Variants in LYVE1 observed in about 807,000 individuals in gnomAD.
LYVE1 encodes the protein lymphatic vessel endothelial hyaluronan receptor 1.
A neutral mutation model predicts 31.5 loss-of-function variants in LYVE1; 29 were observed. The observed-to-expected ratio is 0.92, with a 90% CI of 0.69 to 1.26. LYVE1 has a LOEUF of 1.26. Ranked by LOEUF, LYVE1 falls within the 50% of genes most tolerant of loss-of-function variation. The pLI is 0.00. For synonymous variants in LYVE1, 134 were observed against 139.4 expected (o/e 0.96, Z 0.27); for missense variants, 376 against 380.2 (o/e 0.99, Z 0.09).
At chr11:10,562,013 A>G (rs1407438985) in intron 3 of LYVE1, among the ~76,000 whole-genome samples, 3 of 152,230 alleles carry the variant, frequency 2.0e-5, no homozygotes, top group African/African-American at 7.2e-5. Flanking sequence ...AAAAAAAGAA[A>G]AGAAATACAT....
At chr11:10,562,599 A>G (rs1850450661) in intron 3 of LYVE1, among the ~76,000 whole-genome samples, 1 of 152,248 alleles carries the variant, frequency 6.6e-6, no homozygotes, top group South Asian at 2.1e-4. Flanking sequence ...ATAGATGAGT[A>G]TGTGTGAAAA....
At chr11:10,562,781 G>C (rs1226955901) in intron 3 of LYVE1, among the ~76,000 whole-genome samples, 1 of 152,080 alleles carries the variant, frequency 6.6e-6, no homozygotes, top group Non-Finnish European at 1.5e-5. Flanking sequence ...CTGCCCTCCA[G>C]GTGTCAATCT....
In LYVE1 at chr11:10,564,382, G is replaced by A. The variant is rs1181756540; in HGVS notation, c.86-8C>T. On this transcript the variant is annotated splice_region_variant and splice_polypyrimidine_tract_variant and intron_variant, in intron 1 of 5. Transcript: ENST00000256178. Reference sequence around the variant, plus strand: ...ACACCTGGATGGAAAGCTCTGCAAAGGAATCACATAGGTCCTCAGTTTGCT... The same window carrying A: ...ACACCTGGATGGAAAGCTCTGCAAAAGAATCACATAGGTCCTCAGTTTGCT... 1.9e-6 allele frequency: 3 copies of A among 1,610,842 alleles called. No homozygotes were observed. The highest frequency in any genetic ancestry group is 2.7e-5 in the African/African-American group (2 of 74,886).
intron 1 of LYVE1, among the ~76,000 whole-genome samples, chr11:10,565,808 C>T (rs965123279): frequency 9.2e-5 from 14 of 151,980 alleles, no homozygotes; most frequent in African/African-American, 3.1e-4. Flanking sequence ...AGCAAGAACC[C>T]CAGTTCTTTT....
chr11:10,562,097 T>C (rs974849674), intron 3 of LYVE1, among the ~76,000 whole-genome samples: 1 of 152,236 alleles, frequency 6.6e-6, no homozygotes, highest in South Asian at 2.1e-4. Context: ...GGCTCTTCTC[T>C]GTTTAGTCAG....
intron 1 of LYVE1, among the ~76,000 whole-genome samples, chr11:10,565,313 A>G (rs1423319570): frequency 2.6e-5 from 4 of 152,212 alleles, no homozygotes; most frequent in Admixed American, 2.6e-4. Flanking sequence ...TTCTACTCAA[A>G]ATCTAATGGA....
intron 3 of LYVE1, among the ~76,000 whole-genome samples, chr11:10,562,841 A>C (rs547965775): frequency 6.6e-6 from 1 of 151,740 alleles, no homozygotes; most frequent in Non-Finnish European, 1.5e-5. Context: ...TTATAAAGGA[A>C]TGTGGAACAG....
Position 10,558,929 on chromosome 11 carries a change from G to A in LYVE1, c.*182C>T, listed in dbSNP as rs959388376. The stretch of plus-strand genomic sequence containing the variant: ...TAGGATCCAGACAGGGTTACAATAA[G>A]GAGAAGGGCATTCTCTTTGGTGCAC... On this transcript the variant is annotated 3_prime_UTR_variant, in exon 6 of 6. Transcript: ENST00000256178. 2.9e-5 allele frequency: 17 copies of A among 582,384 alleles called. No individual in the cohort carries two copies. The highest frequency in any genetic ancestry group is 2.8e-4 in the African/African-American group (15 of 54,078). 36.1% of individuals were successfully genotyped at this position (582,384 alleles called of 1,614,324 possible).
chr11:10,561,822 G>C lies in LYVE1; in HGVS notation c.398-1022C>G, dbSNP rs147350603. ...GCAGTGGGTAGCATCAGCTGGGGTT[G>C]GGGGGTGGGCTAGCAGAGGGATAGC... On this transcript the variant is annotated intron_variant, in intron 3 of 5. Coordinates refer to ENST00000256178, the MANE Select transcript of LYVE1 (RefSeq NM_006691.4). Among the ~76,000 whole-genome samples, 637 of 152,194 alleles carry C rather than the reference G, an allele frequency of 4.2e-3. 1 individual carries two copies. Among genetic ancestry groups the C allele is most frequent in the Middle Eastern group, 0.024 (7 of 294 alleles).
chr11:10,562,251 A>C (rs2134005811), intron 3 of LYVE1, among the ~76,000 whole-genome samples: 1 of 152,364 alleles, frequency 6.6e-6, no homozygotes, highest in East Asian at 1.9e-4. Flanking sequence ...AAAGAGGCAG[A>C]GAAGGGAAGG....
chr11:10,563,837 T>C (rs1850480171), intron 3 of LYVE1, 103 bp downstream of exon 3: 2 of 1,425,194 alleles, frequency 1.4e-6, no homozygotes, highest in Admixed American at 1.7e-5. Flanking sequence ...TGGCCGTGGC[T>C]GTGATTGCTT....
chr11:10,559,887 G>C lies in LYVE1; in HGVS notation c.711C>G (p.Pro237=), dbSNP rs774758262. 17 of 1,613,328 alleles carry C rather than the reference G, an allele frequency of 1.1e-5. No homozygotes were observed. The South Asian group carries it at 1.8e-4, about 17-fold the overall frequency. ...KNEAAGFGGV[P]TALLVLALLF... is the part of the protein sequence containing the mutation. ...GGAGAGCAAGCACTAGCAGAGCCGTGGGGACACCTGCAAGGAACAGAGACA... is the reference window on the plus strand; with the variant it reads ...GGAGAGCAAGCACTAGCAGAGCCGTCGGGACACCTGCAAGGAACAGAGACA... Residue 237 remains proline (P), a synonymous_variant, in exon 5 of 6, where the codon CCC becomes CCG. Transcript: ENST00000256178.
chr11:10,565,132 A>T (rs1239680685), intron 1 of LYVE1, among the ~76,000 whole-genome samples: 2 of 152,214 alleles, frequency 1.3e-5, no homozygotes, highest in African/African-American at 2.4e-5. Context: ...AGTGAAAGTT[A>T]AGTGAGTAAA....
At chr11:10,564,681 G>C (rs1850501133) in intron 1 of LYVE1, among the ~76,000 whole-genome samples, 2 of 152,154 alleles carry the variant, frequency 1.3e-5, no homozygotes, top group African/African-American at 4.8e-5. Context: ...CAGTCTAAGG[G>C]ATGCAGTTAC....
intron 4 of LYVE1, 40 bp from the exon 5 acceptor site, chr11:10,559,934 A>C: frequency 7.0e-7 from 1 of 1,421,358 alleles, no homozygotes; most frequent in Non-Finnish European, 1.0e-6. Flanking sequence ...TCCTTCACTT[A>C]AACATTGTGT....
In LYVE1 at chr11:10,566,254, C is replaced by T. The variant is rs1050684423; in HGVS notation, c.86-1880G>A. 5.3e-5 allele frequency among the ~76,000 whole-genome samples: 8 copies of T among 151,954 alleles called. No individual in the cohort carries two copies. In the South Asian group the frequency reaches 6.2e-4, roughly 12 times the overall value. ...CCTCCTGACTAGCTGGGACTACAGA[C>T]GCGAGACACCATGCCCAGCTAATTT... On this transcript the variant is annotated intron_variant, in intron 1 of 5. Coordinates refer to ENST00000256178, the MANE Select transcript of LYVE1 (RefSeq NM_006691.4).
chr11:10,559,953 C>T (rs1431664008), intron 4 of LYVE1, 59 bp from the exon 5 acceptor site: 6 of 1,212,246 alleles, frequency 4.9e-6, no homozygotes, highest in Non-Finnish European at 4.9e-6. Context: ...GTGTAATGCT[C>T]ATTGCATGAT....
In LYVE1 at chr11:10,564,358, C is replaced by T; in HGVS notation, c.102G>A (p.Val34=). Residue 34 remains valine, a synonymous_variant, in exon 2 of 6, where the codon GTG becomes GTA. Transcript: ENST00000256178. ...GGGTGATCCCCATAATTCTGCATGA[C>T]ACCTGGATGGAAAGCTCTGCAAAGG... The part of the protein sequence containing the change: ...SLRAEELSIQ[V]SCRIMGITLV... The T allele has an allele frequency of 6.2e-7, 1 of 1,613,688 alleles. No individual in the cohort carries two copies. The highest frequency in any genetic ancestry group is 8.5e-7 in the Non-Finnish European group (1 of 1,179,736).
At position 10,563,932 on chromosome 11, in the gene LYVE1, A is replaced by T. The variant is rs1203382891; in HGVS notation, c.397+8T>A. ...ATGCCACGTGGAAAGGTTGCAGATC[A>T]GACTCACCAGATGAGTTGTAACAAT... On this transcript the variant is annotated splice_region_variant and intron_variant, in intron 3 of 5. Transcript: ENST00000256178. 1 of 1,614,166 alleles carries T rather than the reference A, an allele frequency of 6.2e-7. No homozygotes were observed. Among genetic ancestry groups the T allele is most frequent in the Non-Finnish European group, 8.5e-7 (1 of 1,180,024 alleles).
Sources: gnomAD v4.1 joint callset for allele counts (sites outside exome capture counted in the v4.1 genomes callset) on GRCh38, gnomAD v4.1.1 for gene constraint, MANE v1.5 for transcripts, NCBI Gene and HGNC (gene_info 2026-07-23, HGNC 2026-07-21) for gene names.